PRKCE: variants seen among roughly 807,000 people sequenced by gnomAD.
PRKCE encodes the protein protein kinase C epsilon type.
A neutral mutation model predicts 85.4 loss-of-function variants in PRKCE; 16 were observed. The ratio of observed to expected loss-of-function variants is 0.19; its 90% CI spans 0.13 to 0.28. PRKCE has a LOEUF of 0.28. Ranked by LOEUF, PRKCE falls within the 10% of genes least tolerant of loss-of-function variation. The pLI is 1.00. For missense variants in PRKCE, 573 were observed against 975.2 expected (o/e 0.59, Z 5.49); for synonymous variants, 388 against 371.5 (o/e 1.04, Z -0.51).
At chr2:45,790,928 G>A (rs1390652043) in intron 1 of PRKCE, among the ~76,000 whole-genome samples, 1 of 152,162 alleles carries the variant, frequency 6.6e-6, no homozygotes, top group Admixed American at 6.5e-5. Context: ...CCTGAGGCCC[G>A]TACCTGATTA....
At position 45,707,981 on chromosome 2, in the gene PRKCE, A is replaced by G. The variant is rs568469771; in HGVS notation, c.348+55533A>G. 4.6e-5 allele frequency among the ~76,000 whole-genome samples: 7 copies of G among 152,314 alleles called. No homozygotes were observed. In the East Asian group the frequency reaches 9.7e-4, roughly 21 times the overall value. On this transcript the variant is annotated intron_variant, in intron 1 of 14. Transcript: ENST00000306156. Reference sequence around the variant, plus strand: ...GCGGGTTGCATTCCTGCTACTTCTCATAAGGTAGACACAAATTGGAGGCCT... The same window carrying G: ...GCGGGTTGCATTCCTGCTACTTCTCGTAAGGTAGACACAAATTGGAGGCCT...
intron 1 of PRKCE, among the ~76,000 whole-genome samples, chr2:45,723,732 A>G (rs988621663): frequency 2.0e-5 from 3 of 151,990 alleles, no homozygotes; most frequent in Non-Finnish European, 2.9e-5. Flanking sequence ...AGCGTCCTGA[A>G]TAGCTGGGAT....
chr2:45,813,558 A>G (rs1464972626), intron 1 of PRKCE, among the ~76,000 whole-genome samples: 1 of 152,170 alleles, frequency 6.6e-6, no homozygotes, highest in Admixed American at 6.5e-5. Context: ...AGCTGGAAGG[A>G]ACCTTGGGAG....
chr2:46,168,075 G>A (rs1678517739), intron 14 of PRKCE: 1 of 152,132 alleles, frequency 6.6e-6, no homozygotes, highest in African/African-American at 2.4e-5. Flanking sequence ...AATTCTGATG[G>A]CAGGAACGTT....
chr2:46,082,685 C>T (rs565566578), intron 10 of PRKCE, among the ~76,000 whole-genome samples: 4 of 152,186 alleles, frequency 2.6e-5, no homozygotes, highest in East Asian at 1.9e-4. Context: ...TGGGAAGAGG[C>T]GAAGCCCATG....
chr2:46,026,446 T>A (rs1379056590), intron 10 of PRKCE, among the ~76,000 whole-genome samples: 1 of 152,218 alleles, frequency 6.6e-6, no homozygotes, highest in Non-Finnish European at 1.5e-5. Context: ...GTGGAAATGT[T>A]ACCTTTTTGG....
At position 45,893,513 on chromosome 2, in the gene PRKCE, A is replaced by C. The variant is rs957358045; in HGVS notation, c.412+50450A>C. ...CTCCTGAGTAGCTGGGATTACAGGCACCCGCCACCACACCCAGCTAATTTT... is the reference window on the plus strand; with the variant it reads ...CTCCTGAGTAGCTGGGATTACAGGCCCCCGCCACCACACCCAGCTAATTTT... On this transcript the variant is annotated intron_variant, in intron 2 of 14. Coordinates refer to ENST00000306156, the MANE Select transcript of PRKCE (RefSeq NM_005400.3). Among the ~76,000 whole-genome samples the C allele has an allele frequency of 2.0e-5, 3 of 151,450 alleles. No individual in the cohort carries two copies. The East Asian group carries it at 5.8e-4, about 29-fold the overall frequency.
rs537598455 is a variant in PRKCE, at chr2:45,769,710, G to T, written c.349-73290G>T. ...GTCTTTAATGTGAAATTTGTATTCTGTGCTCACATATTTTGATATGTTTTG... is the reference window on the plus strand; with the variant it reads ...GTCTTTAATGTGAAATTTGTATTCTTTGCTCACATATTTTGATATGTTTTG... On this transcript the variant is annotated intron_variant, in intron 1 of 14. Transcript: ENST00000306156. Among the ~76,000 whole-genome samples, 6 of 152,260 alleles carry T rather than the reference G, an allele frequency of 3.9e-5. 1 individual carries two copies. The highest frequency in any genetic ancestry group is 1.4e-4 in the African/African-American group (6 of 41,542).
At chr2:46,096,436 C>G (rs1258584978) in intron 11 of PRKCE, among the ~76,000 whole-genome samples, 1 of 152,128 alleles carries the variant, frequency 6.6e-6, no homozygotes, top group Non-Finnish European at 1.5e-5. Context: ...ATCCCCAGTA[C>G]CACAGAATGT....
rs967915180 is a variant in PRKCE at position 46,094,809 on chromosome 2, A to T, written c.1592+8447A>T. ...GAACTTAAAATAAAAGTTGAAGTTAAAAAAAAAAAAAAGCATTTTCACTCA... is the reference window on the plus strand; with the variant it reads ...GAACTTAAAATAAAAGTTGAAGTTATAAAAAAAAAAAAGCATTTTCACTCA... On this transcript the variant is annotated intron_variant, in intron 11 of 14. Transcript: ENST00000306156. Among the ~76,000 whole-genome samples, 3 of 25,240 alleles carry T rather than the reference A, an allele frequency of 1.2e-4. No individual in the cohort carries two copies. In the South Asian group the frequency reaches 2.5e-3, roughly 21 times the overall value. 16.6% of individuals were successfully genotyped at this position (25,240 alleles called of 152,430 possible).
chr2:45,767,236 C>T (rs942864641), intron 1 of PRKCE, among the ~76,000 whole-genome samples: 2 of 152,002 alleles, frequency 1.3e-5, no homozygotes, highest in African/African-American at 4.8e-5. Context: ...AGGAATTAGC[C>T]CAACCCTCTA....
chr2:45,775,437 A>C (rs186403760), intron 1 of PRKCE, among the ~76,000 whole-genome samples: 13 of 152,294 alleles, frequency 8.5e-5, no homozygotes, highest in African/African-American at 3.1e-4. Flanking sequence ...GAGCTTATTC[A>C]TACTGCCTTT....
At chr2:45,760,789 G>C (rs1045917019) in intron 1 of PRKCE, among the ~76,000 whole-genome samples, 1 of 152,094 alleles carries the variant, frequency 6.6e-6, no homozygotes, top group African/African-American at 2.4e-5. Context: ...CTGCCCCTGG[G>C]TTCCCACTTT....
intron 11 of PRKCE, among the ~76,000 whole-genome samples, chr2:46,088,466 G>A (rs1179895270): frequency 6.6e-6 from 1 of 152,158 alleles, no homozygotes; most frequent in African/African-American, 2.4e-5. Flanking sequence ...ACCTGCCCCT[G>A]TTCACCTTGT....
At chr2:45,938,021 A>G (rs539163419) in intron 2 of PRKCE, among the ~76,000 whole-genome samples, 7 of 152,280 alleles carry the variant, frequency 4.6e-5, no homozygotes, top group Middle Eastern at 3.4e-3. Context: ...GTTACGCACC[A>G]CTAATGTCAC....
At chr2:46,026,714 T>G (rs1707139242) in intron 10 of PRKCE, among the ~76,000 whole-genome samples, 1 of 152,158 alleles carries the variant, frequency 6.6e-6, no homozygotes, top group African/African-American at 2.4e-5. Context: ...ATGAGACCCC[T>G]TAAACACAGA....
At chr2:46,152,344 G>T (rs968417698) in intron 13 of PRKCE, among the ~76,000 whole-genome samples, 1 of 151,760 alleles carries the variant, frequency 6.6e-6, no homozygotes, top group Non-Finnish European at 1.5e-5. Flanking sequence ...ATCATGCCTG[G>T]CTAATTTTTG....
chr2:46,097,870 G>C (rs67179108), intron 11 of PRKCE, among the ~76,000 whole-genome samples: 1 of 152,090 alleles, frequency 6.6e-6, no homozygotes, highest in Non-Finnish European at 1.5e-5. Context: ...ATGACAGTTG[G>C]GGGGTGAAAG....
chr2:46,157,522 C>T (rs762163404), intron 13 of PRKCE, among the ~76,000 whole-genome samples: 3 of 152,148 alleles, frequency 2.0e-5, no homozygotes, highest in African/African-American at 4.8e-5. Context: ...CCCCCACCCA[C>T]CCTGCAAAGA....
Sources: gnomAD v4.1 joint callset for allele counts (sites outside exome capture counted in the v4.1 genomes callset) on GRCh38, gnomAD v4.1.1 for gene constraint, MANE v1.5 for transcripts, NCBI Gene and HGNC (gene_info 2026-07-23, HGNC 2026-07-21) for gene names.